Variants in ARHGAP32 observed in about 807,000 individuals in gnomAD.
The protein encoded by ARHGAP32 is Rho GTPase activating protein 32, also known as rho GTPase-activating protein 32.
In ARHGAP32, 51 loss-of-function variants were observed where a neutral mutation model predicts 186.5. The observed-to-expected ratio is 0.27, with a 90% CI of 0.22 to 0.35. The LOEUF (loss-of-function observed/expected upper bound fraction) is 0.35. Among genes scored for constraint, ARHGAP32 ranks in the 10% least tolerant of loss-of-function variants. ARHGAP32 has a pLI of 1.00. For synonymous variants in ARHGAP32, 950 were observed against 964.3 expected (o/e 0.99, Z 0.27); for missense variants, 2,186 against 2,623.5 (o/e 0.83, Z 3.64).
At chr11:129,142,454 G>A (rs1332493242) in intron 2 of ARHGAP32, among the ~76,000 whole-genome samples, 1 of 152,054 alleles carries the variant, frequency 6.6e-6, no homozygotes, top group Non-Finnish European at 1.5e-5. Flanking sequence ...ACAAGGCACC[G>A]TAGTCAAATA....
intron 1 of ARHGAP32, among the ~76,000 whole-genome samples, chr11:129,262,489 T>A (rs945842418): frequency 6.6e-6 from 1 of 152,052 alleles, no homozygotes; most frequent in Admixed American, 6.6e-5. Context: ...GTTCAAGCGA[T>A]TCTTATGTCT....
intron 1 of ARHGAP32, among the ~76,000 whole-genome samples, chr11:129,183,172 T>A (rs1321387927): frequency 1.3e-5 from 2 of 152,074 alleles, no homozygotes; most frequent in East Asian, 3.9e-4. Context: ...TTCTAGGATT[T>A]CCATTCTACC....
intron 1 of ARHGAP32, among the ~76,000 whole-genome samples, chr11:129,223,698 G>A (rs1944743300): frequency 6.6e-6 from 1 of 152,096 alleles, no homozygotes. Context: ...AACAGCTAAA[G>A]AAGTAAAAGA....
intron 1 of ARHGAP32, among the ~76,000 whole-genome samples, chr11:129,187,825 G>C (rs1314715016): frequency 6.6e-6 from 1 of 152,120 alleles, no homozygotes; most frequent in Non-Finnish European, 1.5e-5. Context: ...ATAAGTAATA[G>C]GTTATTAAAG....
At chr11:129,055,698 G>A (rs570359539) in intron 10 of ARHGAP32, among the ~76,000 whole-genome samples, 6 of 152,254 alleles carry the variant, frequency 3.9e-5, no homozygotes, top group South Asian at 4.1e-4. Context: ...CATACTATAC[G>A]ATTCCAACAA....
At chr11:129,146,714 A>C (rs1943173767) in intron 2 of ARHGAP32, among the ~76,000 whole-genome samples, 1 of 152,052 alleles carries the variant, frequency 6.6e-6, no homozygotes, top group African/African-American at 2.4e-5. Context: ...TTGATTTTTA[A>C]ATGACTATAA....
At chr11:129,094,882 T>C (rs1158314087) in intron 5 of ARHGAP32, among the ~76,000 whole-genome samples, 2 of 152,190 alleles carry the variant, frequency 1.3e-5, no homozygotes, top group Non-Finnish European at 2.9e-5. Flanking sequence ...GAGGATGATA[T>C]AATATTATGT....
chr11:129,061,863 T>C (rs1940516183), intron 10 of ARHGAP32, among the ~76,000 whole-genome samples: 1 of 152,244 alleles, frequency 6.6e-6, no homozygotes, highest in South Asian at 2.1e-4. Flanking sequence ...TTAGATTCTG[T>C]TGTTCTGTAA....
chr11:129,065,600 A>AT, intron 7 of ARHGAP32, among the ~76,000 whole-genome samples: 1 of 152,262 alleles, frequency 6.6e-6, no homozygotes, highest in East Asian at 1.9e-4. Flanking sequence ...AGGGACTTTC[A>AT]GGTTTTCTAT....
chr11:129,193,292 C>T (rs1360774312), upstream of ARHGAP32, among the ~76,000 whole-genome samples: 37 of 86,278 alleles, frequency 4.3e-4, no homozygotes, highest in African/African-American at 1.4e-3. Context: ...GGCAACTTAG[C>T]GAGACCTCAT....
At position 128,968,757 on chromosome 11, in the gene ARHGAP32, A is replaced by T. The variant is rs1378854883; in HGVS notation, c.*150T>A. On this transcript the variant is annotated 3_prime_UTR_variant, in exon 23 of 23. Coordinates refer to ENST00000682385, the MANE Select transcript of ARHGAP32 (RefSeq NM_001378024.1). Reference sequence around the variant, plus strand: ...GGGGGTAATGAAGCAGGGAAGGGGAAAAAGATGCTGATTTGTTTACTTTTA... The same window carrying T: ...GGGGGTAATGAAGCAGGGAAGGGGATAAAGATGCTGATTTGTTTACTTTTA... 2 of 613,140 alleles carry T rather than the reference A, an allele frequency of 3.3e-6. No homozygotes were observed. Among genetic ancestry groups the T allele is most frequent in the Non-Finnish European group, 4.9e-6 (2 of 411,782 alleles). The allele number at this position is 613,140 out of a possible 1,614,324, so 38.0% of individuals were successfully genotyped here. A position where few individuals can be genotyped will look rare whatever the true frequency, so the allele number is the denominator to read the frequency against.
chr11:129,017,447 C>CA (rs71472084), intron 11 of ARHGAP32, among the ~76,000 whole-genome samples: 29,498 of 89,056 alleles, frequency 0.33, 3,513 homozygotes, highest in African/African-American at 0.37. Flanking sequence ...GACCCGGTCT[C>CA]AAAAAAAAAA....
At chr11:129,279,628 A>G (rs1467822302), upstream of ARHGAP32, among the ~76,000 whole-genome samples, 2 of 144,598 alleles carry the variant, frequency 1.4e-5, no homozygotes, top group Non-Finnish European at 3.1e-5. Flanking sequence ...CAGCGGGGAG[A>G]AGAGGCGCGC....
intron 10 of ARHGAP32, among the ~76,000 whole-genome samples, chr11:129,042,898 ATGCCGAGGAGATGGGAGG>A (rs1392333923): frequency 6.6e-6 from 1 of 152,168 alleles, no homozygotes. Flanking sequence ...GAAACTGCTC[ATGCCGAGGAGATGGGAGG>A]TGCCCTGGAA....
chr11:129,227,279 CA>C (rs1378934105), intron 1 of ARHGAP32, among the ~76,000 whole-genome samples: 1 of 151,506 alleles, frequency 6.6e-6, no homozygotes. Flanking sequence ...TACTAAAATA[CA>C]AGATAAGGAA....
intron 10 of ARHGAP32, among the ~76,000 whole-genome samples, chr11:129,049,041 G>A (rs764232000): frequency 5.3e-5 from 8 of 152,044 alleles, no homozygotes; most frequent in African/African-American, 9.7e-5. Context: ...CTTGTATACC[G>A]TCACAAGGAG....
chr11:129,202,028 A>ATG (rs1363387992), intron 1 of ARHGAP32, among the ~76,000 whole-genome samples: 1 of 151,956 alleles, frequency 6.6e-6, no homozygotes, highest in South Asian at 2.1e-4. Context: ...TTATATATAT[A>ATG]TGTGTGTGTA....
intron 1 of ARHGAP32, among the ~76,000 whole-genome samples, chr11:129,170,480 T>G (rs1354853665): frequency 1.3e-5 from 2 of 152,204 alleles, no homozygotes; most frequent in African/African-American, 2.4e-5. Flanking sequence ...GGCTTCCAGC[T>G]CTGTCCATGT....
At chr11:129,184,701 A>G (rs893749978) in intron 1 of ARHGAP32, among the ~76,000 whole-genome samples, 1 of 152,166 alleles carries the variant, frequency 6.6e-6, no homozygotes, top group African/African-American at 2.4e-5. Flanking sequence ...TAAGTTCCAA[A>G]ATAAAGAACT....
Sources: gnomAD v4.1 joint callset for allele counts (sites outside exome capture counted in the v4.1 genomes callset) on GRCh38, gnomAD v4.1.1 for gene constraint, MANE v1.5 for transcripts, NCBI Gene and HGNC (gene_info 2026-07-23, HGNC 2026-07-21) for gene names.